Variants in CPE observed in about 807,000 individuals in gnomAD.
The protein encoded by CPE is carboxypeptidase E.
In CPE, 17 loss-of-function variants were observed where a neutral mutation model predicts 53.5. That is an observed-to-expected ratio of 0.32 (90% CI 0.22 to 0.48). The LOEUF is 0.48. CPE is among the 20% of genes least tolerant of loss of function. The pLI, the probability that CPE is intolerant of heterozygous loss-of-function variation, is 0.99. For synonymous variants in CPE, 226 were observed against 228.8 expected, an observed-to-expected ratio of 0.99 and a Z score of 0.11; for missense variants, 524 against 614.7, an observed-to-expected ratio of 0.85 and a Z score of 1.56.
Position 165,379,232 on chromosome 4 carries a change from G to T in CPE, c.11G>T (p.Arg4Leu). ...CGGCGGAGCGCAGCGATGGCCGGGC[G>T]AGGGGGCAGCGCGCTGCTGGCTCTG... is the stretch of plus-strand genomic sequence containing the variant. The part of the protein sequence containing the change: MAG[R>L]GGSALLALCG... Residue 4 changes from arginine to leucine, a missense_variant, in exon 1 of 9, where the codon CGA (arginine) becomes CTA (leucine). Transcript: ENST00000402744. The surrounding 1 kb of genome is among the most constrained non-coding windows in gnomAD (Gnocchi z 6.0). 8.1e-7 allele frequency: 1 copy of T among 1,239,388 alleles called. No individual in the cohort carries two copies. 76.8% of individuals were successfully genotyped at this position (1,239,388 alleles called of 1,614,324 possible).
At chr4:165,490,502 A>G (rs1477473162) in intron 6 of CPE, among the ~76,000 whole-genome samples, 1 of 151,856 alleles carries the variant, frequency 6.6e-6, no homozygotes, top group Non-Finnish European at 1.5e-5. Flanking sequence ...GCGTGGTGGC[A>G]TGTGCCTGTA....
At chr4:165,474,950 C>T (rs537993429) in intron 3 of CPE, among the ~76,000 whole-genome samples, 21 of 152,222 alleles carry the variant, frequency 1.4e-4, no homozygotes, top group Non-Finnish European at 2.4e-4. Flanking sequence ...TCCCTCCCTT[C>T]GAATATGACC....
rs1730462558 is a variant in CPE at position 165,379,313 on chromosome 4, G to GGGCGCCCGC, written c.97_105dup (p.Pro33_Ala35dup). ...CTGGGCGCCGAAGCCCAGGAGCCCG[G>GGGCGCCCGC]GGCGCCCGCGGCGGGCATGAGGCGG... is the stretch of plus-strand genomic sequence containing the variant. On this transcript the variant is annotated inframe_insertion, in exon 1 of 9. Transcript: ENST00000402744. The surrounding 1 kb of genome is among the most constrained non-coding windows in gnomAD (Gnocchi z 6.0). The GGGCGCCCGC allele has an allele frequency of 3.2e-6, 5 of 1,554,906 alleles. No homozygotes were observed. Among genetic ancestry groups the GGGCGCCCGC allele is most frequent in the Non-Finnish European group, 2.6e-6 (3 of 1,155,570 alleles).
intron 1 of CPE, chr4:165,381,320 C>T (rs1279711694): frequency 2.2e-6 from 1 of 456,024 alleles, no homozygotes. Context: ...ATTCCAGCAC[C>T]CAGCTCATGT....
In CPE at chr4:165,379,613, G is replaced by A; in HGVS notation, c.307+85G>A. ...GGACTGGTGGCGGTGGGGGAAGGAGGGAGGGATGGGCCCAGGGGTGCCTCT... is the reference window on the plus strand; with the variant it reads ...GGACTGGTGGCGGTGGGGGAAGGAGAGAGGGATGGGCCCAGGGGTGCCTCT... On this transcript the variant is annotated intron_variant, in intron 1 of 8. Transcript: ENST00000402744. The surrounding 1 kb of genome is among the most constrained non-coding windows in gnomAD (Gnocchi z 6.0). 1 of 1,147,528 alleles carries A rather than the reference G, an allele frequency of 8.7e-7. No individual in the cohort carries two copies. 71.1% of individuals were successfully genotyped at this position (1,147,528 alleles called of 1,614,324 possible).
chr4:165,441,754 C>T (rs1430552569), intron 1 of CPE, among the ~76,000 whole-genome samples: 3 of 152,048 alleles, frequency 2.0e-5, no homozygotes, highest in Non-Finnish European at 2.9e-5. Flanking sequence ...CATATTTTGA[C>T]CAAATGAAAA....
chr4:165,407,203 A>G (rs1465865448), intron 1 of CPE, among the ~76,000 whole-genome samples: 1 of 152,202 alleles, frequency 6.6e-6, no homozygotes, highest in Non-Finnish European at 1.5e-5. Context: ...TTACATTCCC[A>G]TCGGCAGTGT....
At chr4:165,404,785 T>A in intron 1 of CPE, 1 of 775,256 alleles carries the variant, frequency 1.3e-6, no homozygotes, top group South Asian at 1.3e-5. Flanking sequence ...TTGCTACAGT[T>A]GAAGCACTGG....
At chr4:165,467,459 A>T (rs996559868) in intron 2 of CPE, among the ~76,000 whole-genome samples, 5 of 152,240 alleles carry the variant, frequency 3.3e-5, no homozygotes, top group African/African-American at 1.2e-4. Context: ...ACTGCTGTAT[A>T]GTCTGTCAGT....
At chr4:165,463,110 G>A (rs1732038229) in intron 1 of CPE, among the ~76,000 whole-genome samples, 1 of 152,178 alleles carries the variant, frequency 6.6e-6, no homozygotes, top group South Asian at 2.1e-4. Flanking sequence ...AAAACGCAAT[G>A]GAGAGTCTCA....
At chr4:165,415,717 A>G (rs1731108501) in intron 1 of CPE, among the ~76,000 whole-genome samples, 2 of 152,034 alleles carry the variant, frequency 1.3e-5, no homozygotes, top group South Asian at 4.2e-4. Flanking sequence ...AATATAGCAT[A>G]TATTTGTTTG....
intron 1 of CPE, among the ~76,000 whole-genome samples, chr4:165,399,084 A>G (rs1482816274): frequency 6.6e-6 from 1 of 152,210 alleles, no homozygotes; most frequent in African/African-American, 2.4e-5. Flanking sequence ...ACTATACTAA[A>G]TGATCATATT....
intron 1 of CPE, among the ~76,000 whole-genome samples, chr4:165,456,144 T>C (rs972702719): frequency 1.3e-5 from 2 of 152,200 alleles, no homozygotes; most frequent in African/African-American, 4.8e-5. Flanking sequence ...GATAGGACTA[T>C]AGAGAGAGCA....
chr4:165,422,334 AT>A (rs1282497949), intron 1 of CPE, among the ~76,000 whole-genome samples: 1 of 147,242 alleles, frequency 6.8e-6, no homozygotes, highest in South Asian at 2.2e-4. Flanking sequence ...TATTTTAATT[AT>A]TTTTTATCTA....
At chr4:165,454,257 C>T (rs56207699) in intron 1 of CPE, among the ~76,000 whole-genome samples, 2,666 of 152,224 alleles carry the variant, frequency 0.018, 74 homozygotes, top group African/African-American at 0.059. Flanking sequence ...ATTCAGAGAG[C>T]TCCATTTGCT....
At chr4:165,469,593 C>T (rs72703684) in intron 3 of CPE, among the ~76,000 whole-genome samples, 16,968 of 152,218 alleles carry the variant, frequency 0.11, 1,125 homozygotes, top group Admixed American at 0.15. Flanking sequence ...AAGTCATCCT[C>T]TACTCTTCAA....
At chr4:165,486,696 C>T (rs999129758) in intron 5 of CPE, among the ~76,000 whole-genome samples, 2 of 152,166 alleles carry the variant, frequency 1.3e-5, no homozygotes, top group Admixed American at 6.5e-5. Flanking sequence ...GACACAAATG[C>T]GTATCCGATT....
At chr4:165,494,512 C>CAAG (rs980462056) in intron 7 of CPE, among the ~76,000 whole-genome samples, 1 of 152,060 alleles carries the variant, frequency 6.6e-6, no homozygotes, top group Admixed American at 6.5e-5. Context: ...TGAAGTGCTT[C>CAAG]AAGAAGAAGG....
intron 1 of CPE, among the ~76,000 whole-genome samples, chr4:165,445,436 C>T (rs971735615): frequency 6.6e-6 from 1 of 152,018 alleles, no homozygotes; most frequent in Admixed American, 6.6e-5. Context: ...TCTACTCCTA[C>T]CTTCTTTTGG....
Sources: allele counts gnomAD v4.1 joint callset (sites outside exome capture counted in the v4.1 genomes callset), GRCh38; gene constraint gnomAD v4.1.1; non-coding constraint Gnocchi (gnomAD v3.1); transcripts MANE v1.5; gene names NCBI Gene and HGNC (gene_info 2026-07-23, HGNC 2026-07-21).